The following AK1 variants were observed in gnomAD, a reference collection of about 807,000 sequenced individuals.
AK1 encodes the protein adenylate kinase 1.
In AK1, 13 loss-of-function variants were observed where a neutral mutation model predicts 23.9. The ratio of observed to expected loss-of-function variants is 0.54; its 90% CI spans 0.35 to 0.86. AK1 has a LOEUF of 0.86. AK1 is among the 40% of genes least tolerant of loss of function. AK1 has a pLI of 0.01. For missense variants in AK1, 214 were observed against 255.1 expected (o/e 0.84, Z 1.10); for synonymous variants, 97 against 102.8 (o/e 0.94, Z 0.34).
At chr9:127,870,635 A>C (rs777246006) in intron 5 of AK1, among the ~76,000 whole-genome samples, 1 of 152,204 alleles carries the variant, frequency 6.6e-6, no homozygotes, top group Non-Finnish European at 1.5e-5. Context: ...TGAGGTCTGA[A>C]GGAATCCAGC....
chr9:127,879,272 T>TC (rs1439318769), upstream of AK1, among the ~76,000 whole-genome samples: 4 of 152,154 alleles, frequency 2.6e-5, no homozygotes, highest in East Asian at 7.7e-4. Flanking sequence ...AGAAAGGAAG[T>TC]CCAAGTTGTT....
intron 1 of AK1, chr9:127,874,869 G>T: frequency 1.8e-6 from 1 of 555,220 alleles, no homozygotes; most frequent in Non-Finnish European, 3.3e-6. Context: ...TGGCCTCCAT[G>T]GCCTCACCTG....
intron 2 of AK1, chr9:127,873,987 C>T (rs766000559): frequency 1.5e-4 from 146 of 985,322 alleles, no homozygotes; most frequent in Non-Finnish European, 1.7e-4. Flanking sequence ...GGGCCCCTAT[C>T]CCGGGGGTGC....
rs997472252 is a variant in AK1, at chr9:127,868,890, G to A, written c.325-378C>T. 2.6e-5 allele frequency among the ~76,000 whole-genome samples: 4 copies of A among 152,194 alleles called. No homozygotes were observed. Among genetic ancestry groups the A allele is most frequent in the Admixed American group, 2.0e-4 (3 of 15,278 alleles). ...CCTCAATACCAAGCATCAGGTTTCAGTGCGAAGCTCACTTCCTCAGGGCAG... is the reference window on the plus strand; with the variant it reads ...CCTCAATACCAAGCATCAGGTTTCAATGCGAAGCTCACTTCCTCAGGGCAG... On this transcript the variant is annotated intron_variant, in intron 5 of 6. Coordinates refer to ENST00000644144, the MANE Select transcript of AK1 (RefSeq NM_000476.3). The surrounding 1 kb of genome is among the most constrained non-coding windows in gnomAD (Gnocchi z 4.1).
At chr9:127,878,148 G>T (rs1829581873), upstream of AK1, among the ~76,000 whole-genome samples, 1 of 152,198 alleles carries the variant, frequency 6.6e-6, no homozygotes. Context: ...CTCAGAGCCT[G>T]CCCAGAGGCC....
chr9:127,873,457 C>A, intron 2 of AK1: 1 of 1,517,270 alleles, frequency 6.6e-7, no homozygotes, highest in Non-Finnish European at 8.8e-7. Flanking sequence ...ATGGTCCCGT[C>A]CTGCCGTGTC....
Position 127,872,833 on chromosome 9 carries a change from C to A in AK1, c.64G>T (p.Gly22Cys). The change falls in exon 4 of 7, where the codon GGC (glycine) becomes TGC (cysteine). Residue 22 changes from glycine (G) to cysteine (C), a missense_variant. Physicochemically the swap from Gly to Cys is radical, Grantham distance 159. Transcript: ENST00000644144. ...FVVGGPGSGK[G>C]TQCEKIVQKY... is the part of the protein sequence containing the mutation. ...TGCACGATCTTCTCACACTGGGTGC[C>A]CTTCCCTGAGCCAGGCCCACCTGCA... The A allele has an allele frequency of 6.2e-7, 1 of 1,614,096 alleles. No individual in the cohort carries two copies. Among genetic ancestry groups the A allele is most frequent in the Non-Finnish European group, 8.5e-7 (1 of 1,180,014 alleles).
Position 127,872,568 on chromosome 9 carries a change from G to A in AK1, c.207+122C>T, listed in dbSNP as rs150398230. The A allele has an allele frequency of 2.3e-6, 3 of 1,326,124 alleles. No individual in the cohort carries two copies. The African/African-American group carries it at 4.4e-5, about 19-fold the overall frequency. The allele number at this position is 1,326,124 out of a possible 1,614,324, so 82.1% of individuals were successfully genotyped here. A position where few individuals can be genotyped will look rare whatever the true frequency, so the allele number is the denominator to read the frequency against. On this transcript the variant is annotated intron_variant, in intron 4 of 6. Transcript: ENST00000644144. ...CCAGGGCAATGGGGAACCACAGAAGGGTTTGGAGCCGGGGGCGGTTACGGT... is the reference window on the plus strand; with the variant it reads ...CCAGGGCAATGGGGAACCACAGAAGAGTTTGGAGCCGGGGGCGGTTACGGT...
At position 127,868,601 on chromosome 9, in the gene AK1, A is replaced by T. The variant is rs554792022; in HGVS notation, c.325-89T>A. The T allele has an allele frequency of 6.9e-7, 1 of 1,440,210 alleles. No homozygotes were observed. The highest frequency in any genetic ancestry group is 2.0e-5 in the Admixed American group (1 of 50,806). The allele number at this position is 1,440,210 out of a possible 1,614,324, so 89.2% of individuals were successfully genotyped here. On this transcript the variant is annotated intron_variant, in intron 5 of 6. Transcript: ENST00000644144. This position sits in a 1 kb window ranked among gnomAD's most constrained non-coding sequence, Gnocchi z 4.1. ...CTTCCCATCTATGAAGCCCCAGTAG[A>T]TACCCCCTCAGACCTTCAATCCCTT... is the stretch of plus-strand genomic sequence containing the variant.
In AK1 at chr9:127,868,551, C is replaced by T. The variant is rs772645948; in HGVS notation, c.325-39G>A. On this transcript the variant is annotated intron_variant, in intron 5 of 6. Coordinates refer to ENST00000644144, the MANE Select transcript of AK1 (RefSeq NM_000476.3). The surrounding 1 kb of genome is among the most constrained non-coding windows in gnomAD (Gnocchi z 4.1). ...CCATGTCACAGGGACCCCATTCCTG[C>T]CCCCTAGGGCCATCTCCTCCCCATC... is the stretch of plus-strand genomic sequence containing the variant. The T allele has an allele frequency of 1.9e-6, 3 of 1,549,518 alleles. No homozygotes were observed. Among genetic ancestry groups the T allele is most frequent in the East Asian group, 2.4e-5 (1 of 41,244 alleles).
In AK1 at chr9:127,868,227, G is replaced by C; in HGVS notation, c.516+94C>G. 1 of 1,459,952 alleles carries C rather than the reference G, an allele frequency of 6.8e-7. No individual in the cohort carries two copies. The highest frequency in any genetic ancestry group is 1.4e-5 in the African/African-American group (1 of 71,180). 90.4% of individuals were successfully genotyped at this position (1,459,952 alleles called of 1,614,324 possible). A position where few individuals can be genotyped will look rare whatever the true frequency, so the allele number is the denominator to read the frequency against. On this transcript the variant is annotated intron_variant, in intron 6 of 6. Coordinates refer to ENST00000644144, the MANE Select transcript of AK1 (RefSeq NM_000476.3). The surrounding 1 kb of genome is among the most constrained non-coding windows in gnomAD (Gnocchi z 4.1). ...ACCAGTGGGGAAACCAAGGCCCAGA[G>C]AGAGGGGCTGGCCTGAGGCCACACA...
In AK1 at chr9:127,874,552, C is replaced by T. The variant is rs371547218; in HGVS notation, c.7+59G>A. ...AGAATGTCTCCCTGAGAGCGCACCC[C>T]CTTAATAGTCAGGCACACTGAGGCC... On this transcript the variant is annotated intron_variant, in intron 2 of 6. Transcript: ENST00000644144. The T allele has an allele frequency of 4.5e-5, 73 of 1,612,294 alleles. 1 individual carries two copies. The East Asian group carries it at 7.8e-4, about 17-fold the overall frequency.
At chr9:127,873,237 G>C in intron 2 of AK1, 176 bp from the exon 3 acceptor site, 2 of 1,536,444 alleles carry the variant, frequency 1.3e-6, no homozygotes, top group Non-Finnish European at 1.7e-6. Context: ...GAGTGAGCTC[G>C]GAGCCTGGGA....
At position 127,868,603 on chromosome 9, in the gene AK1, AC is replaced by A; in HGVS notation, c.325-92del. The A allele has an allele frequency of 7.2e-7, 1 of 1,394,904 alleles. No individual in the cohort carries two copies. The allele number at this position is 1,394,904 out of a possible 1,614,324, so 86.4% of individuals were successfully genotyped here. ...TCCCATCTATGAAGCCCCAGTAGAT[AC>A]CCCCTCAGACCTTCAATCCCTTCCC... On this transcript the variant is annotated intron_variant, in intron 5 of 6. Transcript: ENST00000644144. This position sits in a 1 kb window ranked among gnomAD's most constrained non-coding sequence, Gnocchi z 4.1.
At chr9:127,873,642 A>T (rs545853323) in intron 2 of AK1, 82 of 1,404,416 alleles carry the variant, frequency 5.8e-5, no homozygotes, top group Non-Finnish European at 7.5e-5. Context: ...GCTTGGCTCC[A>T]ACCTCTGTCT....
In AK1 at chr9:127,866,650, G is replaced by T. The variant is rs886975727; in HGVS notation, c.*1358C>A. ...CTTAAAGGGAGCCCAGCTTGGGCCA[G>T]ATCAGGTGTTAAGGACACGTGAGCA... is the stretch of plus-strand genomic sequence containing the variant. On this transcript the variant is annotated 3_prime_UTR_variant, in exon 7 of 7. Transcript: ENST00000644144. 2 of 152,256 alleles carry T rather than the reference G, an allele frequency of 1.3e-5. No individual in the cohort carries two copies. The highest frequency in any genetic ancestry group is 4.8e-5 in the African/African-American group (2 of 41,460). 9.4% of individuals were successfully genotyped at this position (152,256 alleles called of 1,614,324 possible).
rs1463397724 is a variant in AK1 at position 127,871,967 on chromosome 9, C to A, written c.208-28G>T. 1 of 1,581,772 alleles carries A rather than the reference C, an allele frequency of 6.3e-7. No homozygotes were observed. Among genetic ancestry groups the A allele is most frequent in the Non-Finnish European group, 8.7e-7 (1 of 1,151,046 alleles). The stretch of plus-strand genomic sequence containing the variant: ...GGGGCACAGCAAAGGAGGAAGGGGC[C>A]ATGAGCCTCTCCTCCCCATCCCTTC... On this transcript the variant is annotated intron_variant, in intron 4 of 6. Transcript: ENST00000644144. This position sits in a 1 kb window ranked among gnomAD's most constrained non-coding sequence, Gnocchi z 4.4.
At chr9:127,870,799 C>A (rs892724123) in intron 5 of AK1, among the ~76,000 whole-genome samples, 3 of 151,560 alleles carry the variant, frequency 2.0e-5, no homozygotes, top group Non-Finnish European at 2.9e-5. Flanking sequence ...GAAGGCCCTA[C>A]GGAGACGGGG....
chr9:127,867,563 C>G lies in AK1; in HGVS notation c.*445G>C. ...GCGATGGGGGTCAGGGCCAAGGCCA[C>G]AGAGCAAGATGCAGAGGAGCCCAGG... On this transcript the variant is annotated 3_prime_UTR_variant, in exon 7 of 7. Transcript: ENST00000644144. The G allele has an allele frequency of 4.3e-6, 1 of 231,420 alleles. No individual in the cohort carries two copies. The highest frequency in any genetic ancestry group is 8.6e-6 in the Non-Finnish European group (1 of 115,620). The allele number at this position is 231,420 out of a possible 1,614,324, so 14.3% of individuals were successfully genotyped here.
Sources: allele counts gnomAD v4.1 joint callset (sites outside exome capture counted in the v4.1 genomes callset), GRCh38; gene constraint gnomAD v4.1.1; non-coding constraint Gnocchi (gnomAD v3.1); transcripts MANE v1.5; gene names NCBI Gene and HGNC (gene_info 2026-07-23, HGNC 2026-07-21).